Variants in TIAM2 observed in about 807,000 individuals in gnomAD.
TIAM2 encodes rho guanine nucleotide exchange factor TIAM2.
In TIAM2, 80 loss-of-function variants were observed where a neutral mutation model predicts 152.9. The ratio of observed to expected loss-of-function variants is 0.52; its 90% confidence interval spans 0.44 to 0.63. The LOEUF is 0.63. Among genes scored for constraint, TIAM2 ranks in the 30% least tolerant of loss-of-function variants. The probability of loss-of-function intolerance (pLI) is 0.00; values close to 1 mark genes in which losing one functional copy is unlikely to be tolerated. For missense variants in TIAM2, 1,965 were observed against 2,120.1 expected (o/e 0.93, Z 1.44); for synonymous variants, 804 against 838.0 (o/e 0.96, Z 0.70).
chr6:155,160,302 A>G (rs1780235702), intron 7 of TIAM2, among the ~76,000 whole-genome samples: 1 of 152,210 alleles, frequency 6.6e-6, no homozygotes, highest in Non-Finnish European at 1.5e-5. Flanking sequence ...GCTGTCAGGC[A>G]GGAGGAGTTC....
At chr6:155,027,376 A>G (rs1363785168) in intron 1 of TIAM2, among the ~76,000 whole-genome samples, 1 of 135,844 alleles carries the variant, frequency 7.4e-6, no homozygotes, top group African/African-American at 3.0e-5. Flanking sequence ...TATATAATAT[A>G]TATACTGTGT....
chr6:155,147,193 T>C (rs1779837658), intron 6 of TIAM2, among the ~76,000 whole-genome samples: 1 of 150,744 alleles, frequency 6.6e-6, no homozygotes, highest in Admixed American at 6.6e-5. Flanking sequence ...TTTTTTTGTA[T>C]TGAGGCCATA....
At chr6:155,039,697 G>T (rs1431070096) in intron 1 of TIAM2, among the ~76,000 whole-genome samples, 1 of 152,166 alleles carries the variant, frequency 6.6e-6, no homozygotes, top group Non-Finnish European at 1.5e-5. Context: ...TGACTGCATT[G>T]TTGGGGCCCT....
At position 155,230,709 on chromosome 6, in the gene TIAM2, G is replaced by T. The variant is rs571825957; in HGVS notation, c.3169-9821G>T. On this transcript the variant is annotated intron_variant, in intron 15 of 26. Transcript: ENST00000682666. ...ATAAGCCAAAAGATTAAAATAACTTGAAAGGCAGTGTTAACCACTGCATTT... is the reference window on the plus strand; with the variant it reads ...ATAAGCCAAAAGATTAAAATAACTTTAAAGGCAGTGTTAACCACTGCATTT... Among the ~76,000 whole-genome samples, 31 of 152,122 alleles carry T rather than the reference G, an allele frequency of 2.0e-4. 2 individuals are homozygous for T. The East Asian group carries it at 5.8e-3, about 28-fold the overall frequency.
intron 2 of TIAM2, among the ~76,000 whole-genome samples, chr6:155,116,561 A>G (rs1779017094): frequency 6.6e-6 from 1 of 152,204 alleles, no homozygotes; most frequent in African/African-American, 2.4e-5. Context: ...GCCAAGAATA[A>G]CTTGGTACAA....
chr6:155,198,640 C>CAACAAGAGCA (rs1481121286), intron 14 of TIAM2, among the ~76,000 whole-genome samples: 1 of 72,610 alleles, frequency 1.4e-5, no homozygotes, highest in Non-Finnish European at 2.3e-5. Context: ...CCAGCCTAGA[C>CAACAAGAGCA]AACAAGAGCA....
At chr6:155,099,882 C>T (rs1778515273) in intron 2 of TIAM2, among the ~76,000 whole-genome samples, 2 of 152,182 alleles carry the variant, frequency 1.3e-5, no homozygotes, top group African/African-American at 4.8e-5. Context: ...TATGGCATAG[C>T]CTATGCTCCT....
At chr6:155,208,394 T>A (rs527305309) in intron 14 of TIAM2, among the ~76,000 whole-genome samples, 1 of 152,256 alleles carries the variant, frequency 6.6e-6, no homozygotes. Flanking sequence ...GATGTTTCCA[T>A]GGTTCTCTCC....
rs80218583 is a variant in TIAM2 at position 155,111,476 on chromosome 6, T to C, written c.-117-16014T>C. Among the ~76,000 whole-genome samples, 1,145 of 152,284 alleles carry C rather than the reference T, an allele frequency of 7.5e-3. 18 individuals are homozygous for C. The highest frequency in any genetic ancestry group is 0.026 in the African/African-American group (1,091 of 41,568). The stretch of plus-strand genomic sequence containing the variant: ...CCATCACTTACCTTTTTAAGAAATG[T>C]CACAGTGGGAAAAAAATAGAAATTA... On this transcript the variant is annotated intron_variant, in intron 2 of 26. Transcript: ENST00000682666.
intron 1 of TIAM2, among the ~76,000 whole-genome samples, chr6:155,082,666 C>CAATGAATAAATAAATAAATAAATA (rs1554228916): frequency 1.4e-5 from 2 of 141,348 alleles, no homozygotes; most frequent in South Asian, 2.3e-4. Flanking sequence ...AAAAAAACCC[C>CAATGAATAAATAAATAAATAAATA]AATAAATAAA....
At chr6:155,032,839 C>A (rs1178840109) in intron 1 of TIAM2, among the ~76,000 whole-genome samples, 1 of 152,136 alleles carries the variant, frequency 6.6e-6, no homozygotes, top group Non-Finnish European at 1.5e-5. Context: ...CGACGCCTGG[C>A]CTGTTTTTTT....
chr6:155,205,019 T>A (rs1419718102), intron 14 of TIAM2, among the ~76,000 whole-genome samples: 1 of 151,988 alleles, frequency 6.6e-6, no homozygotes, highest in African/African-American at 2.4e-5. Flanking sequence ...TGAGAGCCCT[T>A]TTTATCATAG....
At chr6:155,183,169 T>C (rs547008556) in intron 13 of TIAM2, 68 bp from the exon 14 acceptor site, 29 of 1,557,524 alleles carry the variant, frequency 1.9e-5, no homozygotes, top group Middle Eastern at 1.8e-4. Context: ...TGCAGCCTTC[T>C]TTCATCTGAA....
chr6:155,023,496 A>T (rs1776539145), intron 1 of TIAM2, among the ~76,000 whole-genome samples: 1 of 152,132 alleles, frequency 6.6e-6, no homozygotes, highest in South Asian at 2.1e-4. Context: ...CTAGTGCCTG[A>T]CCGAACTATA....
chr6:155,126,731 CAAAT>C (rs59895840), intron 2 of TIAM2, among the ~76,000 whole-genome samples: 56 of 150,444 alleles, frequency 3.7e-4, no homozygotes, highest in African/African-American at 1.1e-3. Context: ...AACTCTGTCT[CAAAT>C]AAATAAATAA....
chr6:155,228,438 G>A (rs1187886142), intron 15 of TIAM2, among the ~76,000 whole-genome samples: 5 of 152,186 alleles, frequency 3.3e-5, no homozygotes, highest in Non-Finnish European at 5.9e-5. Flanking sequence ...CGGTCTCAGA[G>A]TATGTAACAC....
chr6:155,051,357 C>T (rs1032116511), intron 1 of TIAM2, among the ~76,000 whole-genome samples: 1 of 152,172 alleles, frequency 6.6e-6, no homozygotes, highest in Non-Finnish European at 1.5e-5. Context: ...GATTTGAGCG[C>T]ATCATACGTG....
intron 14 of TIAM2, among the ~76,000 whole-genome samples, chr6:155,199,075 T>TA (rs1781420957): frequency 6.6e-6 from 1 of 151,890 alleles, no homozygotes; most frequent in Non-Finnish European, 1.5e-5. Flanking sequence ...CTTTATTTTT[T>TA]TTTTTTAATT....
At chr6:155,020,719 T>TC (rs1210352314) in intron 1 of TIAM2, among the ~76,000 whole-genome samples, 1 of 152,182 alleles carries the variant, frequency 6.6e-6, no homozygotes, top group African/African-American at 2.4e-5. Flanking sequence ...AGCCTCGGCC[T>TC]CCCAAAGTGC....
Sources: gnomAD v4.1 joint callset for allele counts (sites outside exome capture counted in the v4.1 genomes callset) on GRCh38, gnomAD v4.1.1 for gene constraint, MANE v1.5 for transcripts, NCBI Gene and HGNC (gene_info 2026-07-23, HGNC 2026-07-21) for gene names.